RNF212B: variants seen among roughly 807,000 people sequenced by gnomAD.
The protein encoded by RNF212B is E3 ubiquitin-protein ligase RNF212B.
In RNF212B, 52 loss-of-function variants were observed where a neutral mutation model predicts 55.5. That is an observed-to-expected ratio of 0.94 (90% CI 0.75 to 1.18). RNF212B has a LOEUF of 1.18. Among genes scored for constraint, RNF212B ranks in the 50% most tolerant of loss-of-function variants. RNF212B has a pLI of 0.00. For missense variants in RNF212B, 289 were observed against 350.4 expected, an observed-to-expected ratio of 0.82 and a Z score of 1.40; for synonymous variants, 99 against 121.4, an observed-to-expected ratio of 0.82 and a Z score of 1.21.
upstream of RNF212B, among the ~76,000 whole-genome samples, chr14:23,234,580 C>G (rs1490621427): frequency 6.6e-6 from 1 of 152,178 alleles, no homozygotes; most frequent in Non-Finnish European, 1.5e-5. Flanking sequence ...TTCAATTCCC[C>G]ATGCACACTT....
At chr14:23,225,564 C>T (rs571488548) in intron 2 of RNF212B, among the ~76,000 whole-genome samples, 12 of 151,228 alleles carry the variant, frequency 7.9e-5, no homozygotes, top group South Asian at 6.3e-4. Context: ...CACAGAAAGA[C>T]AAACATTTCA....
At chr14:23,217,668 C>A (rs1020973588) in intron 2 of RNF212B, among the ~76,000 whole-genome samples, 1 of 152,096 alleles carries the variant, frequency 6.6e-6, no homozygotes, top group African/African-American at 2.4e-5. Flanking sequence ...CATCCAAGAC[C>A]ACCAAGGTGG....
chr14:23,227,062 T>C (rs905618355), intron 2 of RNF212B, among the ~76,000 whole-genome samples: 13 of 152,156 alleles, frequency 8.5e-5, no homozygotes, highest in African/African-American at 3.1e-4. Context: ...TCATGAGGTC[T>C]ATGGATGGTA....
At position 23,244,082 on chromosome 14, in the gene RNF212B, G is replaced by GA. The variant is rs569527110; in HGVS notation, c.154-229dup. Among the ~76,000 whole-genome samples the GA allele has an allele frequency of 7.9e-3, 1,124 of 141,384 alleles. 15 individuals carry two copies. Among genetic ancestry groups the GA allele is most frequent in the African/African-American group, 0.026 (1,019 of 38,706 alleles). The allele number at this position is 141,384 out of a possible 152,430, so 92.8% of individuals were successfully genotyped here. On this transcript the variant is annotated intron_variant, in intron 3 of 14. Transcript: ENST00000430154. ...GACAACAGCAAAACTCTGTCTCAAA[G>GA]AAAAAAAAAAAGTATAAACAACAGA...
At chr14:23,243,868 G>T (rs1883798096) in intron 3 of RNF212B, among the ~76,000 whole-genome samples, 1 of 152,064 alleles carries the variant, frequency 6.6e-6, no homozygotes, top group Non-Finnish European at 1.5e-5. Context: ...CCTGAGGTCA[G>T]GAGTTCGAGA....
chr14:23,231,412 T>C (rs1016084344), intron 2 of RNF212B, among the ~76,000 whole-genome samples: 1 of 152,192 alleles, frequency 6.6e-6, no homozygotes, highest in African/African-American at 2.4e-5. Context: ...GATATCCACA[T>C]GCAAAACACA....
intron 2 of RNF212B, among the ~76,000 whole-genome samples, chr14:23,220,484 A>G (rs993061079): frequency 6.6e-6 from 1 of 151,760 alleles, no homozygotes; most frequent in African/African-American, 2.4e-5. Context: ...GTGAGCCGAG[A>G]TCACACCACT....
chr14:23,260,807 C>A, intron 7 of RNF212B, 120 bp downstream of exon 7: 2 of 914,762 alleles, frequency 2.2e-6, no homozygotes, highest in South Asian at 1.5e-5. Flanking sequence ...TTTCACTTCT[C>A]CGAGGAAGAG....
In RNF212B at chr14:23,211,079, G is replaced by A. The variant is rs1167770727; in HGVS notation, c.-2+17678G>A. Among the ~76,000 whole-genome samples, 5 of 151,996 alleles carry A rather than the reference G, an allele frequency of 3.3e-5. No homozygotes were observed. The South Asian group carries it at 6.2e-4, about 19-fold the overall frequency. On this transcript the variant is annotated intron_variant, in intron 2 of 15. Transcript: ENST00000399910. ...CTGAAAATAAAAAAATTAGCTGGTCGTGATGGCGTACGCCTGTAATCCCAG... is the reference window on the plus strand; with the variant it reads ...CTGAAAATAAAAAAATTAGCTGGTCATGATGGCGTACGCCTGTAATCCCAG...
At position 23,200,440 on chromosome 14, in the gene RNF212B, C is replaced by T. The variant is rs150719058; in HGVS notation, c.-2+7039C>T. 3.7e-4 allele frequency among the ~76,000 whole-genome samples: 57 copies of T among 152,190 alleles called. 1 individual carries two copies. The highest frequency in any genetic ancestry group is 1.3e-3 in the African/African-American group (54 of 41,522). On this transcript the variant is annotated intron_variant, in intron 2 of 15. Transcript: ENST00000399910. ...TCCTGGGATCAAGCAATTCTCATGC[C>T]TCAGCTTCCCAAGTAGATGGGATTA...
intron 4 of RNF212B, among the ~76,000 whole-genome samples, chr14:23,257,757 CA>C (rs1884954294): frequency 6.6e-6 from 1 of 152,026 alleles, no homozygotes; most frequent in Non-Finnish European, 1.5e-5. Context: ...TGTGCATGCC[CA>C]GAAAAAAAAT....
chr14:23,198,765 G>A (rs1007538774), intron 2 of RNF212B, among the ~76,000 whole-genome samples: 2 of 152,104 alleles, frequency 1.3e-5, no homozygotes, highest in South Asian at 2.1e-4. Context: ...GTTCTCAAAC[G>A]GCTTTACATA....
At chr14:23,270,278 C>G (rs1274799971) in intron 13 of RNF212B, among the ~76,000 whole-genome samples, 1 of 152,166 alleles carries the variant, frequency 6.6e-6, no homozygotes, top group Non-Finnish European at 1.5e-5. Context: ...GATTATAAGG[C>G]CAATATCCAT....
chr14:23,236,485 A>C (rs1011399475), upstream of RNF212B, among the ~76,000 whole-genome samples: 1 of 152,226 alleles, frequency 6.6e-6, no homozygotes, highest in African/African-American at 2.4e-5. Context: ...ACTGCACTCC[A>C]GCCCTGGCGA....
chr14:23,206,331 C>T (rs1452911282), intron 2 of RNF212B, among the ~76,000 whole-genome samples: 1 of 152,196 alleles, frequency 6.6e-6, no homozygotes, highest in Non-Finnish European at 1.5e-5. Context: ...CTTTGGCCTC[C>T]CAAAGTGCTG....
intron 12 of RNF212B, 76 bp from the exon 13 acceptor site, chr14:23,269,787 C>T (rs1160009873): frequency 3.8e-6 from 3 of 785,864 alleles, no homozygotes; most frequent in Non-Finnish European, 6.4e-6. Flanking sequence ...TGTATAGGCT[C>T]TTCCATTACA....
intron 11 of RNF212B, among the ~76,000 whole-genome samples, chr14:23,265,661 T>G (rs1279167759): frequency 2.6e-5 from 4 of 152,234 alleles, no homozygotes; most frequent in Non-Finnish European, 5.9e-5. Flanking sequence ...CTCTTTTTCA[T>G]TCTTAATTTT....
intron 2 of RNF212B, among the ~76,000 whole-genome samples, chr14:23,213,894 C>T (rs1341447504): frequency 6.6e-6 from 1 of 152,186 alleles, no homozygotes; most frequent in African/African-American, 2.4e-5. Context: ...AAAACCCCAA[C>T]AGTCAACAGG....
In RNF212B at chr14:23,266,639, G is replaced by A. The variant is rs796346488; in HGVS notation, c.634+1968G>A. 2.7e-4 allele frequency among the ~76,000 whole-genome samples: 40 copies of A among 150,808 alleles called. 1 individual carries two copies. Among genetic ancestry groups the A allele is most frequent in the African/African-American group, 9.5e-4 (39 of 41,042 alleles). On this transcript the variant is annotated intron_variant, in intron 11 of 14. Transcript: ENST00000430154. ...ATGTTGAGGCTGGTCTCAAACTCCTGACCTCAGGTGATCTGCCTGCCTCAT... is the reference window on the plus strand; with the variant it reads ...ATGTTGAGGCTGGTCTCAAACTCCTAACCTCAGGTGATCTGCCTGCCTCAT...
Sources: allele counts gnomAD v4.1 joint callset (sites outside exome capture counted in the v4.1 genomes callset), GRCh38; gene constraint gnomAD v4.1.1; transcripts MANE v1.5; gene names NCBI Gene and HGNC (gene_info 2026-07-23, HGNC 2026-07-21).